Variants in AHCYL1 observed in about 807,000 individuals in gnomAD.
The protein encoded by AHCYL1 is adenosylhomocysteinase like 1, also known as S-adenosylhomocysteine hydrolase-like protein 1.
AHCYL1 carries 20 observed loss-of-function variants against 79.3 expected under a neutral mutation model. That is an observed-to-expected ratio of 0.25 (90% CI 0.18 to 0.37). The LOEUF (loss-of-function observed/expected upper bound fraction) is 0.37. Among genes scored for constraint, AHCYL1 ranks in the 10% least tolerant of loss-of-function variants. The pLI is 1.00. For synonymous variants in AHCYL1, 223 were observed against 242.2 expected, an observed-to-expected ratio of 0.92 and a Z score of 0.74; for missense variants, 330 against 673.6, an observed-to-expected ratio of 0.49 and a Z score of 5.65.
chr1:110,013,007 C>A lies in AHCYL1; in HGVS notation c.580+8C>A. 6.3e-7 allele frequency: 1 copy of A among 1,597,880 alleles called. No individual in the cohort carries two copies. The highest frequency in any genetic ancestry group is 1.1e-5 in the South Asian group (1 of 87,644). On this transcript the variant is annotated splice_region_variant and intron_variant, in intron 5 of 16. Transcript: ENST00000369799. ...CAGCACTGGCTGAGGCTGGTAAGTT[C>A]GGTTTTTTCCCACCAACTTTGCCCC...
rs145326358 is a variant in AHCYL1 at position 110,022,681 on chromosome 1, C to T, written c.*1001C>T. 296 of 152,692 alleles carry T rather than the reference C, an allele frequency of 1.9e-3. No homozygotes were observed. Among genetic ancestry groups the T allele is most frequent in the Non-Finnish European group, 3.4e-3 (230 of 68,006 alleles). 9.5% of individuals were successfully genotyped at this position (152,692 alleles called of 1,614,324 possible). ...ACTGAGTTCTATCTTTAGGATTTAT[C>T]TTTAAGAGCAAATTTCTGGTCAGCT... is the stretch of plus-strand genomic sequence containing the variant. On this transcript the variant is annotated 3_prime_UTR_variant, in exon 17 of 17. Transcript: ENST00000369799.
Position 110,009,600 on chromosome 1 carries a change from T to A in AHCYL1, c.232+455T>A, listed in dbSNP as rs187057892. Among the ~76,000 whole-genome samples the A allele has an allele frequency of 9.4e-3, 1,429 of 152,372 alleles. 24 individuals carry two copies. The highest frequency in any genetic ancestry group is 0.038 in the Admixed American group (576 of 15,310). On this transcript the variant is annotated intron_variant, in intron 2 of 16. Coordinates refer to ENST00000369799, the MANE Select transcript of AHCYL1 (RefSeq NM_006621.7). ...AATAAAATTAGTATTTTGGCTTCTC[T>A]TATTTATTAGGTTATTCTTTCTGTT...
chr1:110,012,019 T>C lies in AHCYL1; in HGVS notation c.377-343T>C, dbSNP rs188703096. Among the ~76,000 whole-genome samples, 62 of 152,328 alleles carry C rather than the reference T, an allele frequency of 4.1e-4. 1 individual carries two copies. The highest frequency in any genetic ancestry group is 1.4e-3 in the African/African-American group (57 of 41,578). ...GGTACAGTCTTTCTGGTCTGATGAT[T>C]ATATATAGGAATCTATTAGCCAATG... is the stretch of plus-strand genomic sequence containing the variant. On this transcript the variant is annotated intron_variant, in intron 3 of 16. Transcript: ENST00000369799.
chr1:110,020,672 T>C, intron 15 of AHCYL1, 59 bp from the exon 16 acceptor site: 1 of 1,515,850 alleles, frequency 6.6e-7, no homozygotes, highest in Non-Finnish European at 8.8e-7. Flanking sequence ...AATGGGAAGT[T>C]ATAACTTGAG....
chr1:110,021,705 C>T lies in AHCYL1; in HGVS notation c.*25C>T, dbSNP rs867633547. Reference sequence around the variant, plus strand: ...ATGGACCATACTACCAAGGACCAGTCCACCTGAACCACACACTCTAAAGAA... The same window carrying T: ...ATGGACCATACTACCAAGGACCAGTTCACCTGAACCACACACTCTAAAGAA... On this transcript the variant is annotated 3_prime_UTR_variant, in exon 17 of 17. Coordinates refer to ENST00000369799, the MANE Select transcript of AHCYL1 (RefSeq NM_006621.7). 3.7e-6 allele frequency: 6 copies of T among 1,605,304 alleles called. 1 individual carries two copies. The Admixed American group carries it at 5.0e-5, about 13-fold the overall frequency.
intron 1 of AHCYL1, among the ~76,000 whole-genome samples, chr1:110,006,351 C>T (rs1453916581): frequency 2.0e-5 from 3 of 152,042 alleles, no homozygotes; most frequent in Non-Finnish European, 4.4e-5. Flanking sequence ...GTGTAGTATT[C>T]CTTGTAGATG....
rs5777000 is a variant in AHCYL1 at position 110,012,612 on chromosome 1, GT to G, written c.477+159del. 174 of 669,002 alleles carry G rather than the reference GT, an allele frequency of 2.6e-4. 1 individual carries two copies. Among genetic ancestry groups the G allele is most frequent in the East Asian group, 7.4e-4 (23 of 30,952 alleles). 41.4% of individuals were successfully genotyped at this position (669,002 alleles called of 1,614,324 possible). A position where few individuals can be genotyped will look rare whatever the true frequency, so the allele number is the denominator to read the frequency against. ...GTTACACAATAATGGGGTTTTCTGG[GT>G]TTTTTTTTAATATGTAAACCCACTT... On this transcript the variant is annotated intron_variant, in intron 4 of 16. Transcript: ENST00000369799.
chr1:109,994,691 AT>A (rs1649938272), intron 1 of AHCYL1, among the ~76,000 whole-genome samples: 1 of 152,204 alleles, frequency 6.6e-6, no homozygotes, highest in Non-Finnish European at 1.5e-5. Context: ...GCCAGGTGGT[AT>A]CCCACTTATT....
intron 4 of AHCYL1, 105 bp downstream of exon 4, chr1:110,012,567 A>C: frequency 1.1e-6 from 1 of 938,244 alleles, no homozygotes; most frequent in Non-Finnish European, 1.5e-6. Context: ...CCAAATGCTA[A>C]CTATTAATAG....
chr1:110,009,179 C>G, intron 2 of AHCYL1, 34 bp downstream of exon 2: 1 of 1,558,972 alleles, frequency 6.4e-7, no homozygotes, highest in Non-Finnish European at 8.8e-7. Flanking sequence ...CCTCTCTAAT[C>G]TCTCTTCCCT....
intron 1 of AHCYL1, chr1:110,004,238 G>T: frequency 1.0e-6 from 1 of 985,526 alleles, no homozygotes; most frequent in African/African-American, 1.7e-5. Context: ...AGATTAGTCA[G>T]CCTGCCCTCC....
At position 110,011,256 on chromosome 1, in the gene AHCYL1, G is replaced by A. The variant is rs750096391; in HGVS notation, c.275G>A (p.Arg92Gln). The A allele has an allele frequency of 4.3e-6, 7 of 1,613,926 alleles. No homozygotes were observed. The highest frequency in any genetic ancestry group is 1.7e-5 in the Admixed American group (1 of 59,990). The change falls in exon 3 of 17, where the codon CGA (arginine) becomes CAA (glutamine). Residue 92 changes from arginine (R) to glutamine (Q), a missense_variant. This residue lies in a region of AHCYL1 where 97 missense variants were observed against 176.3 expected (regional missense o/e 0.55). Transcript: ENST00000369799. ...AGCTCTGATGATGAGGTTTCTCCCC[G>A]AGAGAAGCAGCAAACCAACTCCAAG... ...TDSSDDEVSP[R>Q]EKQQTNSKGS...
At chr1:110,016,977 T>C (rs1651457836) in intron 9 of AHCYL1, among the ~76,000 whole-genome samples, 1 of 152,238 alleles carries the variant, frequency 6.6e-6, no homozygotes, top group Non-Finnish European at 1.5e-5. Context: ...TCCCCAATTA[T>C]AACAATAACC....
rs1322262848 is a variant in AHCYL1 at position 110,022,218 on chromosome 1, G to A, written c.*538G>A. On this transcript the variant is annotated 3_prime_UTR_variant, in exon 17 of 17. Coordinates refer to ENST00000369799, the MANE Select transcript of AHCYL1 (RefSeq NM_006621.7). ...GGTGGTATGTCCAGTTCAGAGATGT[G>A]TATAATGAGCATGGCTTGTTAAGAT... 1.3e-5 allele frequency: 2 copies of A among 152,928 alleles called. No individual in the cohort carries two copies. Among genetic ancestry groups the A allele is most frequent in the South Asian group, 2.1e-4 (1 of 4,842 alleles). 9.5% of individuals were successfully genotyped at this position (152,928 alleles called of 1,614,324 possible).
intron 2 of AHCYL1, among the ~76,000 whole-genome samples, 186 bp downstream of exon 2, chr1:110,009,331 C>T (rs998087246): frequency 2.6e-5 from 4 of 152,196 alleles, no homozygotes; most frequent in South Asian, 2.1e-4. Flanking sequence ...TTTGTCGACT[C>T]GAGACTTTCT....
intron 2 of AHCYL1, among the ~76,000 whole-genome samples, chr1:110,009,513 G>C (rs1650885109): frequency 6.6e-6 from 1 of 152,200 alleles, no homozygotes; most frequent in Non-Finnish European, 1.5e-5. Context: ...ATTTCTTTGT[G>C]TAAAATATAC....
intron 1 of AHCYL1, chr1:109,995,694 G>A: frequency 1.0e-6 from 1 of 985,376 alleles, no homozygotes; most frequent in Non-Finnish European, 1.2e-6. Flanking sequence ...TCTGTGGAAG[G>A]AGAAGAAGGT....
In AHCYL1 at chr1:110,019,033, T is replaced by G. The variant is rs765068139; in HGVS notation, c.1318-18T>G. The G allele has an allele frequency of 6.2e-7, 1 of 1,613,626 alleles. No individual in the cohort carries two copies. Among genetic ancestry groups the G allele is most frequent in the East Asian group, 2.2e-5 (1 of 44,856 alleles). On this transcript the variant is annotated intron_variant, in intron 13 of 16. Coordinates refer to ENST00000369799, the MANE Select transcript of AHCYL1 (RefSeq NM_006621.7). ...TCTGAGACAGAGCTCATCCCAGGGC[T>G]CTCTCTTACCTTTCCAGGGTCGTCT...
intron 1 of AHCYL1, among the ~76,000 whole-genome samples, chr1:110,001,347 C>T (rs375728837): frequency 7.2e-5 from 11 of 152,068 alleles, no homozygotes; most frequent in Non-Finnish European, 1.0e-4. Context: ...CCACCATGCC[C>T]GGCTAATTTT....
Sources: gnomAD v4.1 joint callset for allele counts (sites outside exome capture counted in the v4.1 genomes callset) on GRCh38, gnomAD v4.1.1 for gene constraint, gnomAD v4.1.1 regional missense constraint, MANE v1.5 for transcripts, NCBI Gene and HGNC (gene_info 2026-07-23, HGNC 2026-07-21) for gene names.